TERT: variants seen among roughly 807,000 people sequenced by gnomAD.
The protein encoded by TERT is telomerase catalytic subunit.
A neutral mutation model predicts 104.0 loss-of-function variants in TERT; 42 were observed. That is an observed-to-expected ratio of 0.40 (90% CI 0.32 to 0.52). The LOEUF (loss-of-function observed/expected upper bound fraction) is 0.52. Ranked by LOEUF, TERT falls within the 20% of genes least tolerant of loss-of-function variation. TERT has a pLI of 0.43. For missense variants in TERT, 1,101 were observed against 1,610.3 expected (o/e 0.68, Z 5.41); for synonymous variants, 781 against 725.6 (o/e 1.08, Z -1.23).
rs1329565591 is a variant in TERT, at chr5:1,288,471, GAGAC to G, written c.1573+4838_1573+4841del. ...GCCCTCCACGTGGGTCTCAGAGCAG[GAGAC>G]AGACAGAGACACTCCAACCTGTGGC... On this transcript the variant is annotated intron_variant, in intron 2 of 15. Coordinates refer to ENST00000310581, the MANE Select transcript of TERT (RefSeq NM_198253.3). This position sits in a 1 kb window ranked among gnomAD's most constrained non-coding sequence, Gnocchi z 5.3. Among the ~76,000 whole-genome samples, 5 of 152,198 alleles carry G rather than the reference GAGAC, an allele frequency of 3.3e-5. No homozygotes were observed. The highest frequency in any genetic ancestry group is 1.2e-4 in the African/African-American group (5 of 41,450).
At position 1,277,426 on chromosome 5, in the gene TERT, C is replaced by T. The variant is rs757358002; in HGVS notation, c.2286+1215G>A. 9.2e-5 allele frequency among the ~76,000 whole-genome samples: 14 copies of T among 152,336 alleles called. No individual in the cohort carries two copies. In the South Asian group the frequency reaches 2.5e-3, roughly 27 times the overall value. On this transcript the variant is annotated intron_variant, in intron 6 of 15. Transcript: ENST00000310581. ...TACATCCACGTGGCGAGTTCCACAA[C>T]GGATGCCATTCATGGACAGAACGCA...
In TERT at chr5:1,262,060, C is replaced by T. The variant is rs891210531; in HGVS notation, c.2844-1460G>A. ...GCAGTGAAAGCAATGCCCGTTGCCT[C>T]ACTGGTTTCATCCGCCTCCCTGTGT... On this transcript the variant is annotated intron_variant, in intron 11 of 15. Transcript: ENST00000310581. The surrounding 1 kb of genome is among the most constrained non-coding windows in gnomAD (Gnocchi z 5.6). Among the ~76,000 whole-genome samples the T allele has an allele frequency of 1.3e-5, 2 of 152,202 alleles. No homozygotes were observed. Among genetic ancestry groups the T allele is most frequent in the Non-Finnish European group, 2.9e-5 (2 of 68,032 alleles).
chr5:1,292,943 G>C lies in TERT; in HGVS notation c.1573+370C>G, dbSNP rs896145791. Reference sequence around the variant, plus strand: ...ACCTCTCATTCCCACCCTTGAAATTGCGAAGAGGATTATAGGTAACCTGCA... The same window carrying C: ...ACCTCTCATTCCCACCCTTGAAATTCCGAAGAGGATTATAGGTAACCTGCA... On this transcript the variant is annotated intron_variant, in intron 2 of 15. Coordinates refer to ENST00000310581, the MANE Select transcript of TERT (RefSeq NM_198253.3). This position sits in a 1 kb window ranked among gnomAD's most constrained non-coding sequence, Gnocchi z 5.5. Among the ~76,000 whole-genome samples, 1 of 152,172 alleles carries C rather than the reference G, an allele frequency of 6.6e-6. No individual in the cohort carries two copies. The highest frequency in any genetic ancestry group is 1.5e-5 in the Non-Finnish European group (1 of 68,026).
intron 12 of TERT, 127 bp from the exon 13 acceptor site, chr5:1,258,786 C>T (rs985917683): frequency 1.1e-6 from 1 of 886,174 alleles, no homozygotes; most frequent in Non-Finnish European, 1.8e-6. Flanking sequence ...AACTATCCCT[C>T]TTCCCAGTGA....
intron 2 of TERT, among the ~76,000 whole-genome samples, chr5:1,291,393 AGCG>A (rs1750940518): frequency 2.6e-4 from 3 of 11,476 alleles, no homozygotes; most frequent in Non-Finnish European, 2.9e-4. Context: ...ACCCGGGGAC[AGCG>A]CCTCACTCAC....
At chr5:1,273,235 A>AC (rs1199968059) in intron 6 of TERT, among the ~76,000 whole-genome samples, 1 of 23,646 alleles carries the variant, frequency 4.2e-5, no homozygotes, top group Non-Finnish European at 7.4e-5. Context: ...CACACATCAG[A>AC]CCCCACGACC....
chr5:1,282,859 GA>G (rs1750133439), intron 2 of TERT: 1 of 589,824 alleles, frequency 1.7e-6, no homozygotes, highest in Non-Finnish European at 3.0e-6. Context: ...AGGGCCTGGC[GA>G]ACTCACCCCG....
rs761116773 is a variant in TERT at position 1,278,739 on chromosome 5, C to T, written c.2188G>A (p.Ala730Thr). The T allele has an allele frequency of 1.6e-5, 26 of 1,614,066 alleles. No individual in the cohort carries two copies. The Admixed American group carries it at 2.2e-4, about 13-fold the overall frequency. The part of the protein sequence containing the change: ...IPQDRLTEVI[A>T]SIIKPQNTYC... ...GTGTTCTGGGGTTTGATGATGCTGG[C>T]GATGACCTCCGTGAGCCTGTCCTGG... The change falls in exon 6 of 16, where the codon GCC (alanine) becomes ACC (threonine). Residue 730 changes from alanine to threonine, a missense_variant. Ala to Thr is a moderately conservative substitution (Grantham distance 58, BLOSUM62 0). This residue lies in a region of TERT where 463 missense variants were observed against 797.5 expected (regional missense o/e 0.58). Transcript: ENST00000310581.
rs1360926015 is a variant in TERT at position 1,294,325 on chromosome 5, C to A, written c.561G>T (p.Pro187=). 1 of 1,582,830 alleles carries A rather than the reference C, an allele frequency of 6.3e-7. No homozygotes were observed. The highest frequency in any genetic ancestry group is 8.5e-7 in the Non-Finnish European group (1 of 1,171,532). Residue 187 remains proline, a synonymous_variant, in exon 2 of 16, where the codon CCG becomes CCT. Transcript: ENST00000310581. ...GCCTTCGGGGTCCACTAGCGTGTGG[C>A]GGGGGCCGGGCCTGAGTGGCAGCGC... ...QLGAATQARP[P]PHASGPRRRL... is the part of the protein sequence containing the mutation.
At chr5:1,289,563 A>G (rs368358568) in intron 2 of TERT, among the ~76,000 whole-genome samples, 93 of 32,614 alleles carry the variant, frequency 2.9e-3, no homozygotes, top group African/African-American at 0.011. Flanking sequence ...CACTCACCCT[A>G]CACGTGACAG....
rs1186093270 is a variant in TERT at position 1,292,167 on chromosome 5, T to A, written c.1573+1146A>T. Among the ~76,000 whole-genome samples, 1 of 152,124 alleles carries A rather than the reference T, an allele frequency of 6.6e-6. No individual in the cohort carries two copies. The highest frequency in any genetic ancestry group is 6.5e-5 in the Admixed American group (1 of 15,276). On this transcript the variant is annotated intron_variant, in intron 2 of 15. Coordinates refer to ENST00000310581, the MANE Select transcript of TERT (RefSeq NM_198253.3). The surrounding 1 kb of genome is among the most constrained non-coding windows in gnomAD (Gnocchi z 5.5). ...AGAGCCCCAAGAAGGTCACCCTCCT[T>A]GTCTGCATGGCCGGAAGTCTTACAT...
Position 1,268,785 on chromosome 5 carries a change from G to A in TERT, c.2469-152C>T. 1.6e-6 allele frequency: 1 copy of A among 617,946 alleles called. No individual in the cohort carries two copies. Among genetic ancestry groups the A allele is most frequent in the East Asian group, 2.8e-5 (1 of 36,024 alleles). The allele number at this position is 617,946 out of a possible 1,614,324, so 38.3% of individuals were successfully genotyped here. On this transcript the variant is annotated intron_variant, in intron 8 of 15. Coordinates refer to ENST00000310581, the MANE Select transcript of TERT (RefSeq NM_198253.3). The surrounding 1 kb of genome is among the most constrained non-coding windows in gnomAD (Gnocchi z 5.5). The stretch of plus-strand genomic sequence containing the variant: ...AACACCTCAGAAACATACCAGATGA[G>A]ACCTCTGAACAAACAATCCCTGCTC...
rs1751064126 is a variant in TERT, at chr5:1,292,570, T to C, written c.1573+743A>G. On this transcript the variant is annotated intron_variant, in intron 2 of 15. Coordinates refer to ENST00000310581, the MANE Select transcript of TERT (RefSeq NM_198253.3). This position sits in a 1 kb window ranked among gnomAD's most constrained non-coding sequence, Gnocchi z 5.5. ...TCTTGTCGCCCAGGCTGGAGTACAA[T>C]GGCACAATCTCAGCTCACTGCAGCC... Among the ~76,000 whole-genome samples, 1 of 152,076 alleles carries C rather than the reference T, an allele frequency of 6.6e-6. No individual in the cohort carries two copies. The highest frequency in any genetic ancestry group is 1.5e-5 in the Non-Finnish European group (1 of 68,034).
chr5:1,258,729 T>A, intron 12 of TERT, 70 bp from the exon 13 acceptor site: 1 of 1,275,904 alleles, frequency 7.8e-7, no homozygotes, highest in Non-Finnish European at 1.1e-6. Context: ...ACTTTTTGCT[T>A]TATCATCCAT....
At chr5:1,267,478 T>G (rs1397022992) in intron 9 of TERT, among the ~76,000 whole-genome samples, 4 of 152,212 alleles carry the variant, frequency 2.6e-5, no homozygotes, top group African/African-American at 7.2e-5. Flanking sequence ...GCCATCCCAT[T>G]ACTGGGTATA....
rs1013503285 is a variant in TERT at position 1,255,188 on chromosome 5, G to C, written c.3157+99C>G. The C allele has an allele frequency of 4.7e-6, 7 of 1,493,850 alleles. No homozygotes were observed. In the African/African-American group the frequency reaches 5.6e-5, roughly 12 times the overall value. The allele number at this position is 1,493,850 out of a possible 1,614,324, so 92.5% of individuals were successfully genotyped here. ...GTTAAACCACTTCCTGATGCGAAAA[G>C]GGGTAAGAACTTCCTAAGCCCAGAT... On this transcript the variant is annotated intron_variant, in intron 14 of 15. Coordinates refer to ENST00000310581, the MANE Select transcript of TERT (RefSeq NM_198253.3). This position sits in a 1 kb window ranked among gnomAD's most constrained non-coding sequence, Gnocchi z 6.9.
rs538368302 is a variant in TERT at position 1,263,823 on chromosome 5, G to T, written c.2843+581C>A. On this transcript the variant is annotated intron_variant, in intron 11 of 15. Coordinates refer to ENST00000310581, the MANE Select transcript of TERT (RefSeq NM_198253.3). The surrounding 1 kb of genome is among the most constrained non-coding windows in gnomAD (Gnocchi z 5.3). ...GGGCCTTGAGCTCTCGGGCTCTGGG[G>T]AAACAAGACCCCAGAATTTTGTAGA... 2.0e-5 allele frequency among the ~76,000 whole-genome samples: 3 copies of T among 152,190 alleles called. No individual in the cohort carries two copies. The highest frequency in any genetic ancestry group is 1.3e-4 in the Admixed American group (2 of 15,278).
intron 2 of TERT, among the ~76,000 whole-genome samples, chr5:1,289,379 G>T (rs1384595989): frequency 7.6e-6 from 1 of 132,112 alleles, no homozygotes; most frequent in Non-Finnish European, 1.6e-5. Context: ...CCCGGGGACG[G>T]GGCCTCACTC....
At chr5:1,289,964 GCCGCGC>G (rs1750774286) in intron 2 of TERT, among the ~76,000 whole-genome samples, 3 of 4,572 alleles carry the variant, frequency 6.6e-4, no homozygotes, top group Admixed American at 2.4e-3. Context: ...ACACCCGGGG[GCCGCGC>G]CTCACTCACC....
Sources: allele counts gnomAD v4.1 joint callset (sites outside exome capture counted in the v4.1 genomes callset), GRCh38; gene constraint gnomAD v4.1.1; regional missense constraint gnomAD v4.1.1; non-coding constraint Gnocchi (gnomAD v3.1); transcripts MANE v1.5; gene names NCBI Gene and HGNC (gene_info 2026-07-23, HGNC 2026-07-21).